Variants in TESC observed in about 807,000 individuals in gnomAD.
TESC encodes calcineurin B homologous protein 3.
A neutral mutation model predicts 31.0 loss-of-function variants in TESC; 19 were observed. That is an observed-to-expected ratio of 0.61 (90% CI 0.43 to 0.90). TESC has a LOEUF of 0.90. TESC is among the 40% of genes least tolerant of loss of function. The pLI is 0.00. For synonymous variants in TESC, 109 were observed against 114.8 expected, an observed-to-expected ratio of 0.95 and a Z score of 0.32; for missense variants, 248 against 303.8, an observed-to-expected ratio of 0.82 and a Z score of 1.36.
intron 2 of TESC, among the ~76,000 whole-genome samples, chr12:117,057,363 G>C (rs927527489): frequency 4.6e-5 from 7 of 152,196 alleles, no homozygotes; most frequent in Non-Finnish European, 1.5e-5. Context: ...GCCTCCCAAA[G>C]TGCTGGAGTT....
chr12:117,052,634 C>T (rs959787945), intron 3 of TESC, among the ~76,000 whole-genome samples: 1 of 152,114 alleles, frequency 6.6e-6, no homozygotes, highest in Non-Finnish European at 1.5e-5. Flanking sequence ...ACCTGGCCAC[C>T]GCCCTCCACT....
intron 2 of TESC, among the ~76,000 whole-genome samples, chr12:117,066,199 G>GCTTTTTTT (rs1954876500): frequency 1.4e-5 from 1 of 72,612 alleles, no homozygotes; most frequent in African/African-American, 9.7e-5. Context: ...CCTTCCTTTA[G>GCTTTTTTT]CTTTTTTTTT....
chr12:117,066,754 C>A (rs1954890449), intron 2 of TESC, among the ~76,000 whole-genome samples: 1 of 152,016 alleles, frequency 6.6e-6, no homozygotes, highest in Non-Finnish European at 1.5e-5. Flanking sequence ...AGCATCAGAA[C>A]AGAAGTGCCC....
chr12:117,059,095 C>T (rs1593002562), intron 2 of TESC, among the ~76,000 whole-genome samples: 1 of 152,194 alleles, frequency 6.6e-6, no homozygotes, highest in Non-Finnish European at 1.5e-5. Context: ...AAAATGAGGA[C>T]GTCCGGGTGG....
chr12:117,092,210 G>C (rs1334568084), intron 1 of TESC, among the ~76,000 whole-genome samples: 1 of 152,200 alleles, frequency 6.6e-6, no homozygotes, highest in Non-Finnish European at 1.5e-5. Flanking sequence ...AGCGGAACTG[G>C]TGGCTCAAAG....
intron 2 of TESC, among the ~76,000 whole-genome samples, chr12:117,073,445 C>A (rs2135782765): frequency 6.6e-6 from 1 of 152,248 alleles, no homozygotes; most frequent in Non-Finnish European, 1.5e-5. Context: ...AGACCAGAGG[C>A]CACAAGAATC....
chr12:117,075,411 G>A, intron 1 of TESC, 71 bp from the exon 2 acceptor site: 14 of 1,554,434 alleles, frequency 9.0e-6, no homozygotes, highest in Non-Finnish European at 1.2e-5. Flanking sequence ...GGAGGCTGCA[G>A]ATATTCTTTT....
chr12:117,094,185 A>C (rs1029903780), intron 1 of TESC, among the ~76,000 whole-genome samples: 2 of 152,236 alleles, frequency 1.3e-5, no homozygotes, highest in Non-Finnish European at 2.9e-5. Context: ...TTCTTGGCTC[A>C]GAAAAGATTC....
At chr12:117,093,027 C>T (rs1287224958) in intron 1 of TESC, among the ~76,000 whole-genome samples, 2 of 152,142 alleles carry the variant, frequency 1.3e-5, no homozygotes, top group African/African-American at 4.8e-5. Context: ...AGAAAAGGCA[C>T]GGGGGACTGG....
chr12:117,050,658 C>A (rs762037430), intron 3 of TESC, among the ~76,000 whole-genome samples: 1 of 152,220 alleles, frequency 6.6e-6, no homozygotes, highest in Non-Finnish European at 1.5e-5. Context: ...GGAGGCCAGG[C>A]GCAATGGCTT....
chr12:117,099,243 G>A lies in TESC; in HGVS notation c.40C>T (p.Leu14Phe). ...AHSASEEVRE[L>F]EGKTGFSSDQ... ...TACTCACAGCCGGTCTTGCCCTCGA[G>A]CTCCCGCACCTCCTCAGACGCGGAG... The change falls in exon 1 of 8, where the codon CTC becomes TTC. Residue 14 changes from leucine (L) to phenylalanine (F), a missense_variant. By Grantham distance (22) the Leu-to-Phe change is conservative (BLOSUM62 0). Transcript: ENST00000335209. 1 of 1,477,942 alleles carries A rather than the reference G, an allele frequency of 6.8e-7. No individual in the cohort carries two copies. Among genetic ancestry groups the A allele is most frequent in the South Asian group, 1.3e-5 (1 of 78,560 alleles). The allele number at this position is 1,477,942 out of a possible 1,614,324, so 91.6% of individuals were successfully genotyped here.
At chr12:117,051,775 A>G (rs1042908332) in intron 3 of TESC, among the ~76,000 whole-genome samples, 8 of 151,912 alleles carry the variant, frequency 5.3e-5, no homozygotes, top group African/African-American at 1.7e-4. Flanking sequence ...TCAGGACCCA[A>G]CTCAAGGAAG....
intron 1 of TESC, among the ~76,000 whole-genome samples, chr12:117,094,743 C>T (rs528986884): frequency 9.9e-5 from 15 of 152,146 alleles, no homozygotes; most frequent in Middle Eastern, 3.4e-3. Flanking sequence ...ACGCTGTGCG[C>T]GGTGGCTCAC....
chr12:117,046,929 C>G, intron 4 of TESC, 91 bp from the exon 5 acceptor site: 1 of 1,379,562 alleles, frequency 7.2e-7, no homozygotes, highest in Non-Finnish European at 9.9e-7. Context: ...CAAAAGACAC[C>G]AATAACCAAA....
intron 2 of TESC, among the ~76,000 whole-genome samples, chr12:117,067,394 A>T (rs1954902908): frequency 6.6e-6 from 1 of 152,074 alleles, no homozygotes; most frequent in Non-Finnish European, 1.5e-5. Context: ...CAAGACTCGC[A>T]TCTCTACAAA....
intron 7 of TESC, among the ~76,000 whole-genome samples, chr12:117,040,460 G>A (rs1203154752): frequency 2.0e-5 from 3 of 152,152 alleles, no homozygotes; most frequent in Non-Finnish European, 4.4e-5. Flanking sequence ...CAGCCTTTAG[G>A]GGAAGGAAGT....
intron 4 of TESC, 170 bp downstream of exon 4, chr12:117,048,849 G>A: frequency 9.6e-7 from 1 of 1,042,196 alleles, no homozygotes; most frequent in Non-Finnish European, 1.4e-6. Context: ...CCGGGAACGG[G>A]AGACAGCAAT....
rs1208915472 is a variant in TESC, at chr12:117,090,267, G to C, written c.58+8958C>G. 3.3e-5 allele frequency among the ~76,000 whole-genome samples: 5 copies of C among 152,334 alleles called. No homozygotes were observed. In the East Asian group the frequency reaches 9.6e-4, roughly 29 times the overall value. ...TAATAATGAATATGTAGGTTCTTAA[G>C]TACTATGGAGTGATACAAATTAAAG... On this transcript the variant is annotated intron_variant, in intron 1 of 7. Coordinates refer to ENST00000335209, the MANE Select transcript of TESC (RefSeq NM_017899.4).
At chr12:117,043,952 TA>T (rs1295497734) in intron 6 of TESC, among the ~76,000 whole-genome samples, 1 of 151,402 alleles carries the variant, frequency 6.6e-6, no homozygotes, top group African/African-American at 2.4e-5. Context: ...TCTTTATACT[TA>T]AAAAAATTTT....
Sources: gnomAD v4.1 joint callset for allele counts (sites outside exome capture counted in the v4.1 genomes callset) on GRCh38, gnomAD v4.1.1 for gene constraint, MANE v1.5 for transcripts, NCBI Gene and HGNC (gene_info 2026-07-23, HGNC 2026-07-21) for gene names.